TEX11: variants seen among roughly 807,000 people sequenced by gnomAD.
TEX11 encodes the protein testis expressed 11.
TEX11 carries 7 observed loss-of-function variants against 84.4 expected under a neutral mutation model. That is an observed-to-expected ratio of 0.08 (90% CI 0.05 to 0.16). The LOEUF (loss-of-function observed/expected upper bound fraction) is 0.16, where lower values mean the gene tolerates loss of function less well. Among genes scored for constraint, TEX11 ranks in the 10% least tolerant of loss-of-function variants. The probability of loss-of-function intolerance (pLI) is 1.00; values close to 1 mark genes in which losing one functional copy is unlikely to be tolerated. For synonymous variants in TEX11, 264 were observed against 222.8 expected (o/e 1.18, Z -1.64); for missense variants, 551 against 660.5 (o/e 0.83, Z 1.82).
rs2090893743 is a variant in TEX11 at position 70,759,560 on chromosome X, A to T, written c.693-15341T>A. ...CAGAAAAGGCCTTTGACAAAATTCA[A>T]CAGCCCTTCATGCTAAAAATTCTCA... On this transcript the variant is annotated intron_variant, in intron 9 of 29. Coordinates refer to ENST00000374333, the MANE Select transcript of TEX11 (RefSeq NM_031276.3). Among the ~76,000 whole-genome samples, 3 of 112,048 alleles carry T rather than the reference A, an allele frequency of 2.7e-5. No homozygotes were observed. In the South Asian group the frequency reaches 1.1e-3, roughly 42 times the overall value.
At chrX:70,600,282 AT>A (rs2089080435) in intron 24 of TEX11, among the ~76,000 whole-genome samples, 1 of 111,399 alleles carries the variant, frequency 9.0e-6, no homozygotes, top group South Asian at 3.9e-4. Flanking sequence ...GATGATGAAC[AT>A]TTTTTCGTGT....
At chrX:70,897,917 G>T (rs1257654219) in intron 2 of TEX11, among the ~76,000 whole-genome samples, 4 of 111,232 alleles carry the variant, frequency 3.6e-5, no homozygotes, top group African/African-American at 1.3e-4. Context: ...TTTTATAATT[G>T]ATTAAAATAA....
rs1049208459 is a variant in TEX11 at position 70,711,817 on chromosome X, G to T, written c.1004+10801C>A. Reference sequence around the variant, plus strand: ...AATTAGATCCCATTTGTCACTTTTGGCTTTTGTTGCCATTGCTTTTGCTGT... The same window carrying T: ...AATTAGATCCCATTTGTCACTTTTGTCTTTTGTTGCCATTGCTTTTGCTGT... On this transcript the variant is annotated intron_variant, in intron 13 of 29. Coordinates refer to ENST00000374333, the MANE Select transcript of TEX11 (RefSeq NM_031276.3). Among the ~76,000 whole-genome samples the T allele has an allele frequency of 2.7e-4, 30 of 111,273 alleles. 1 individual carries two copies. The highest frequency in any genetic ancestry group is 8.5e-4 in the African/African-American group (26 of 30,626).
rs1307477395 is a variant in TEX11 at position 70,535,773 on chromosome X, GT to G, written c.2521-5775del. Among the ~76,000 whole-genome samples the G allele has an allele frequency of 6.3e-3, 640 of 101,305 alleles. 1 individual carries two copies. The highest frequency in any genetic ancestry group is 0.011 in the East Asian group (35 of 3,189). The allele number at this position is 101,305 out of a possible 115,157, so 88.0% of individuals were successfully genotyped here. A position where few individuals can be genotyped will look rare whatever the true frequency, so the allele number is the denominator to read the frequency against. On this transcript the variant is annotated intron_variant, in intron 28 of 29. Transcript: ENST00000374333. ...AAAAAAAAACCCACAAAACTTATGG[GT>G]TTTTTTTTTTTTCATAGAGACAGAG... is the stretch of plus-strand genomic sequence containing the variant.
intron 28 of TEX11, among the ~76,000 whole-genome samples, chrX:70,550,294 C>A (rs992949758): frequency 8.9e-6 from 1 of 111,906 alleles, no homozygotes; most frequent in Non-Finnish European, 1.9e-5. Context: ...GAAACTACTA[C>A]AAGAAAATAT....
In TEX11 at chrX:70,807,733, G is replaced by T. The variant is rs188858324; in HGVS notation, c.607-943C>A. ...TCTTGCTTCAAAAAAGTTTCCCTTT[G>T]AATTACAGTACATTCACATAGCAGA... On this transcript the variant is annotated intron_variant, in intron 8 of 29. Transcript: ENST00000374333. 5.7e-3 allele frequency among the ~76,000 whole-genome samples: 638 copies of T among 111,403 alleles called. 3 individuals carry two copies. The highest frequency in any genetic ancestry group is 0.02 in the African/African-American group (611 of 30,613).
chrX:70,715,017 A>G (rs1207978053), intron 13 of TEX11, among the ~76,000 whole-genome samples: 3 of 111,245 alleles, frequency 2.7e-5, no homozygotes, highest in Admixed American at 9.6e-5. Context: ...GCATTTGCTT[A>G]TCTGTAAAGG....
At chrX:70,901,177 G>A (rs2091801384) in intron 2 of TEX11, among the ~76,000 whole-genome samples, 1 of 111,420 alleles carries the variant, frequency 9.0e-6, no homozygotes, top group Admixed American at 9.7e-5. Flanking sequence ...GCAATAGAGT[G>A]AGACCTTGTC....
chrX:70,708,668 C>A (rs1265140499), intron 13 of TEX11, among the ~76,000 whole-genome samples: 2 of 111,123 alleles, frequency 1.8e-5, no homozygotes, highest in Non-Finnish European at 3.8e-5. Context: ...TAACTGGAGG[C>A]CATAATCCTA....
chrX:70,532,895 G>A (rs965916254), intron 28 of TEX11, among the ~76,000 whole-genome samples: 16 of 109,633 alleles, frequency 1.5e-4, no homozygotes, highest in African/African-American at 4.7e-4. Context: ...AACATTAGCC[G>A]GGCGTGGTGG....
At chrX:70,881,093 G>A (rs1415827945) in intron 2 of TEX11, among the ~76,000 whole-genome samples, 13 of 108,521 alleles carry the variant, frequency 1.2e-4, no homozygotes, top group Non-Finnish European at 1.7e-4. Flanking sequence ...ATTGGGAGGC[G>A]GAGGCAGGCA....
At chrX:70,728,592 G>T (rs1162418937) in intron 11 of TEX11, among the ~76,000 whole-genome samples, 2 of 111,765 alleles carry the variant, frequency 1.8e-5, no homozygotes, top group Non-Finnish European at 3.8e-5. Context: ...AGATCAAACT[G>T]CAAGGCAGCA....
chrX:70,577,779 G>A (rs1290147969), intron 25 of TEX11, among the ~76,000 whole-genome samples: 5 of 90,299 alleles, frequency 5.5e-5, no homozygotes, highest in Non-Finnish European at 1.2e-4. Context: ...CCAGGTTGGA[G>A]TGCAGTGGCA....
chrX:70,565,107 T>A (rs1440662059), intron 25 of TEX11, among the ~76,000 whole-genome samples: 2 of 109,135 alleles, frequency 1.8e-5, no homozygotes, highest in African/African-American at 6.7e-5. Context: ...CTAACTGGTG[T>A]GAGATGGTAT....
chrX:70,901,663 C>A (rs749652999), intron 2 of TEX11, among the ~76,000 whole-genome samples: 1 of 111,862 alleles, frequency 8.9e-6, no homozygotes, highest in Non-Finnish European at 1.9e-5. Context: ...GGAGCTCAGG[C>A]GGTAATGCTT....
intron 28 of TEX11, among the ~76,000 whole-genome samples, chrX:70,532,605 A>G (rs1299318216): frequency 6.2e-5 from 7 of 112,171 alleles, no homozygotes; most frequent in Non-Finnish European, 1.3e-4. Context: ...GTGATGGCAC[A>G]TGCCTGTAAT....
At chrX:70,527,336 A>G (rs2087832475), downstream of TEX11, among the ~76,000 whole-genome samples, 1 of 111,396 alleles carries the variant, frequency 9.0e-6, no homozygotes. Flanking sequence ...AACAGGGCAA[A>G]TTGACATTGT....
intron 4 of TEX11, among the ~76,000 whole-genome samples, chrX:70,862,243 C>T (rs920259589): frequency 8.9e-6 from 1 of 111,884 alleles, no homozygotes; most frequent in Non-Finnish European, 1.9e-5. Flanking sequence ...AACTCATTTT[C>T]CCTGAAAATA....
intron 17 of TEX11, among the ~76,000 whole-genome samples, chrX:70,631,804 A>G (rs764858599): frequency 1.5e-5 from 1 of 68,836 alleles, no homozygotes; most frequent in South Asian, 8.7e-4. Flanking sequence ...CCGAATCAGA[A>G]GACTGTGTGT....
Sources: allele counts gnomAD v4.1 joint callset (sites outside exome capture counted in the v4.1 genomes callset), GRCh38; gene constraint gnomAD v4.1.1; transcripts MANE v1.5; gene names NCBI Gene and HGNC (gene_info 2026-07-23, HGNC 2026-07-21).